Variants in ANO3 observed in about 807,000 individuals in gnomAD.
ANO3 encodes the protein anoctamin-3.
A neutral mutation model predicts 144.8 loss-of-function variants in ANO3; 99 were observed. The observed-to-expected ratio is 0.68, with a 90% CI of 0.58 to 0.81. The LOEUF (loss-of-function observed/expected upper bound fraction) is 0.81. ANO3 is among the 30% of genes least tolerant of loss of function. The pLI, the probability that ANO3 is intolerant of heterozygous loss-of-function variation, is 0.00. For missense variants in ANO3, 905 were observed against 1,202.2 expected (o/e 0.75, Z 3.66); for synonymous variants, 414 against 392.6 (o/e 1.05, Z -0.64).
intron 1 of ANO3, among the ~76,000 whole-genome samples, chr11:26,291,523 G>T (rs1247896583): frequency 6.6e-6 from 1 of 152,124 alleles, no homozygotes; most frequent in South Asian, 2.1e-4. Flanking sequence ...TTACATTTTG[G>T]CATGTTTTTG....
intron 3 of ANO3, among the ~76,000 whole-genome samples, chr11:26,449,487 T>TCTCTCTCACA (rs1305488645): frequency 3.6e-5 from 1 of 28,076 alleles, no homozygotes; most frequent in Non-Finnish European, 1.2e-4. Context: ...TCTCTCTCTC[T>TCTCTCTCACA]CACACACACA....
chr11:26,630,887 G>A (rs1040814069), intron 18 of ANO3, among the ~76,000 whole-genome samples: 5 of 151,818 alleles, frequency 3.3e-5, no homozygotes, highest in African/African-American at 1.2e-4. Context: ...CATACAAAAG[G>A]CAAATTTGTT....
chr11:26,618,248 C>T (rs78957003), intron 17 of ANO3, among the ~76,000 whole-genome samples: 23,129 of 151,504 alleles, frequency 0.15, 2,053 homozygotes, highest in East Asian at 0.33. Flanking sequence ...GAACTTTTAA[C>T]GTAATTCTGT....
At chr11:26,579,638 A>G (rs1426766664) in intron 14 of ANO3, among the ~76,000 whole-genome samples, 1 of 152,234 alleles carries the variant, frequency 6.6e-6, no homozygotes, top group East Asian at 1.9e-4. Context: ...GGAGAAAGCA[A>G]CAGATTAGAT....
At chr11:26,575,749 A>G (rs1850969150) in intron 14 of ANO3, among the ~76,000 whole-genome samples, 1 of 152,184 alleles carries the variant, frequency 6.6e-6, no homozygotes, top group Admixed American at 6.5e-5. Context: ...AGTAAATCAG[A>G]CATTTTCAAT....
intron 1 of ANO3, among the ~76,000 whole-genome samples, chr11:26,286,815 C>T (rs1853818527): frequency 1.3e-5 from 2 of 152,162 alleles, no homozygotes; most frequent in Non-Finnish European, 1.5e-5. Context: ...GGTACAGAAG[C>T]TCTTGGAATG....
intron 1 of ANO3, among the ~76,000 whole-genome samples, chr11:26,438,998 G>T (rs564767871): frequency 6.6e-6 from 1 of 151,410 alleles, no homozygotes. Flanking sequence ...ATATAGATTG[G>T]TGGGTTAGAA....
In ANO3 at chr11:26,438,458, A is replaced by T. The variant is rs976407010; in HGVS notation, c.47-3460A>T. Among the ~76,000 whole-genome samples the T allele has an allele frequency of 1.8e-4, 27 of 151,932 alleles. 1 individual carries two copies. The highest frequency in any genetic ancestry group is 2.9e-5 in the Non-Finnish European group (2 of 67,976). On this transcript the variant is annotated intron_variant, in intron 1 of 26. Transcript: ENST00000256737. ...TCAATGGAATCCCTATCATAATCACAGCTGCCGGCCGGGTGCAGTGGCTCA... is the reference window on the plus strand; with the variant it reads ...TCAATGGAATCCCTATCATAATCACTGCTGCCGGCCGGGTGCAGTGGCTCA...
At chr11:26,219,157 T>C (rs527969097) in intron 1 of ANO3, among the ~76,000 whole-genome samples, 86 of 152,222 alleles carry the variant, frequency 5.6e-4, no homozygotes, top group African/African-American at 2.0e-3. Context: ...AAAAGAAAAA[T>C]AATATGTCTC....
At chr11:26,333,568 C>A (rs745688064) in intron 1 of ANO3, among the ~76,000 whole-genome samples, 1 of 152,138 alleles carries the variant, frequency 6.6e-6, no homozygotes, top group Non-Finnish European at 1.5e-5. Flanking sequence ...AGGTGTGAGC[C>A]ACTGTACCCG....
At chr11:26,207,794 T>C (rs1056535255) in intron 1 of ANO3, among the ~76,000 whole-genome samples, 3 of 152,160 alleles carry the variant, frequency 2.0e-5, no homozygotes, top group Admixed American at 1.3e-4. Flanking sequence ...TTGAAATCTC[T>C]GCAAATGAAT....
At chr11:26,501,569 A>G (rs1198753188) in intron 4 of ANO3, among the ~76,000 whole-genome samples, 1 of 152,086 alleles carries the variant, frequency 6.6e-6, no homozygotes, top group Non-Finnish European at 1.5e-5. Flanking sequence ...AGCATAGGCC[A>G]GGAATCAGTA....
chr11:26,484,375 C>A (rs937185609), intron 4 of ANO3, among the ~76,000 whole-genome samples: 1 of 152,138 alleles, frequency 6.6e-6, no homozygotes, highest in Non-Finnish European at 1.5e-5. Flanking sequence ...CCAGCAGTGG[C>A]TAAAAGGCCC....
chr11:26,437,402 G>GT (rs1858333745), intron 1 of ANO3, among the ~76,000 whole-genome samples: 1 of 152,204 alleles, frequency 6.6e-6, no homozygotes, highest in Non-Finnish European at 1.5e-5. Context: ...TGAGAGAAGA[G>GT]TGGGTCCCCA....
At chr11:26,565,268 G>A (rs1316055024) in intron 14 of ANO3, 1 of 1,597,342 alleles carries the variant, frequency 6.3e-7, no homozygotes, top group Non-Finnish European at 8.5e-7. Context: ...ACCCAGTGAA[G>A]CTATCACTGT....
At chr11:26,245,209 A>C (rs1681681444) in intron 1 of ANO3, among the ~76,000 whole-genome samples, 1 of 152,178 alleles carries the variant, frequency 6.6e-6, no homozygotes, top group Admixed American at 6.5e-5. Flanking sequence ...ACATGATGTC[A>C]ATTGGTCCCA....
intron 1 of ANO3, among the ~76,000 whole-genome samples, chr11:26,338,229 CT>C (rs1855244720): frequency 1.3e-5 from 2 of 152,048 alleles, no homozygotes; most frequent in South Asian, 4.1e-4. Flanking sequence ...ACTTGGAGAA[CT>C]TTTCTGTCTA....
chr11:26,427,884 A>T (rs1425147773), intron 1 of ANO3, among the ~76,000 whole-genome samples: 1 of 152,148 alleles, frequency 6.6e-6, no homozygotes, highest in East Asian at 1.9e-4. Context: ...TGAAGCAGTG[A>T]GGAAAGCTCC....
At chr11:26,561,344 CT>C in intron 14 of ANO3, 2 of 720,708 alleles carry the variant, frequency 2.8e-6, no homozygotes, top group Non-Finnish European at 4.1e-6. Context: ...TTTATATGGG[CT>C]TTTTAGATTT....
Sources: gnomAD v4.1 joint callset for allele counts (sites outside exome capture counted in the v4.1 genomes callset) on GRCh38, gnomAD v4.1.1 for gene constraint, MANE v1.5 for transcripts, NCBI Gene and HGNC (gene_info 2026-07-23, HGNC 2026-07-21) for gene names.